Variants in EIF4G3 observed in about 807,000 individuals in gnomAD.
The protein encoded by EIF4G3 is eIF-4-gamma 3.
EIF4G3 carries 34 observed loss-of-function variants against 186.4 expected under a neutral mutation model. The observed-to-expected ratio is 0.18, with a 90% confidence interval of 0.14 to 0.24. The LOEUF (loss-of-function observed/expected upper bound fraction) is 0.24, where lower values mean the gene tolerates loss of function less well. Among genes scored for constraint, EIF4G3 ranks in the 10% least tolerant of loss-of-function variants. The pLI, the probability that EIF4G3 is intolerant of heterozygous loss-of-function variation, is 1.00. For synonymous variants in EIF4G3, 673 were observed against 679.5 expected, an observed-to-expected ratio of 0.99 and a Z score of 0.15; for missense variants, 1,536 against 1,948.5, an observed-to-expected ratio of 0.79 and a Z score of 3.99.
At chr1:20,993,722 G>A (rs1190041150) in intron 7 of EIF4G3, among the ~76,000 whole-genome samples, 1 of 152,090 alleles carries the variant, frequency 6.6e-6, no homozygotes, top group Non-Finnish European at 1.5e-5. Flanking sequence ...TCTATTCACT[G>A]GCCAAAGCAA....
chr1:21,172,690 A>G (rs2098006407), intron 2 of EIF4G3, among the ~76,000 whole-genome samples: 1 of 151,978 alleles, frequency 6.6e-6, no homozygotes, highest in Admixed American at 6.5e-5. Context: ...CTGGGACTAC[A>G]GGCGCCTGCC....
chr1:21,077,047 AATTG>A (rs1333118086), intron 3 of EIF4G3, among the ~76,000 whole-genome samples: 1 of 152,232 alleles, frequency 6.6e-6, no homozygotes, highest in Non-Finnish European at 1.5e-5. Flanking sequence ...TACATTTGAC[AATTG>A]ATTAACAGCC....
chr1:21,176,677 G>T (rs927619929), intron 1 of EIF4G3, 45 bp downstream of exon 1: 14 of 582,910 alleles, frequency 2.4e-5, no homozygotes, highest in Admixed American at 1.8e-4. Flanking sequence ...GCGACCCCAG[G>T]GGGGGGGCCG....
chr1:20,885,800 A>G (rs1385394044), intron 19 of EIF4G3, among the ~76,000 whole-genome samples: 2 of 152,268 alleles, frequency 1.3e-5, no homozygotes, highest in East Asian at 1.9e-4. Context: ...TCAAAACAAG[A>G]TGAGTTTCTA....
At chr1:20,939,455 A>G (rs958445021) in intron 14 of EIF4G3, among the ~76,000 whole-genome samples, 9 of 152,218 alleles carry the variant, frequency 5.9e-5, no homozygotes, top group South Asian at 2.1e-4. Flanking sequence ...TGGTATGAAC[A>G]TTATTTAAAC....
At chr1:20,879,262 G>T in intron 20 of EIF4G3, 61 bp downstream of exon 20, 1 of 1,321,912 alleles carries the variant, frequency 7.6e-7, no homozygotes, top group Non-Finnish European at 1.0e-6. Flanking sequence ...GGAAGAATGT[G>T]TAGTGAGGGG....
At chr1:20,975,379 C>CA (rs903583549) in intron 10 of EIF4G3, among the ~76,000 whole-genome samples, 3 of 136,364 alleles carry the variant, frequency 2.2e-5, no homozygotes, top group Admixed American at 7.3e-5. Flanking sequence ...TTAAAAAAAA[C>CA]AAAAAACAAA....
chr1:21,125,905 A>G (rs2097031205), intron 2 of EIF4G3, among the ~76,000 whole-genome samples: 1 of 151,622 alleles, frequency 6.6e-6, no homozygotes, highest in Non-Finnish European at 1.5e-5. Flanking sequence ...CTATTTCAGG[A>G]TGAAAAAACA....
At chr1:20,959,408 T>C (rs2096518968) in intron 12 of EIF4G3, among the ~76,000 whole-genome samples, 1 of 152,040 alleles carries the variant, frequency 6.6e-6, no homozygotes, top group Non-Finnish European at 1.5e-5. Flanking sequence ...AAGACTTAAA[T>C]ATAAGACCTG....
chr1:21,156,305 T>C (rs1000528645), intron 2 of EIF4G3, among the ~76,000 whole-genome samples: 4 of 152,178 alleles, frequency 2.6e-5, no homozygotes, highest in Non-Finnish European at 4.4e-5. Context: ...TTCTTTCTCT[T>C]TTCTGTAAGC....
chr1:20,808,664 G>C (rs940210119), intron 36 of EIF4G3, among the ~76,000 whole-genome samples: 1 of 152,142 alleles, frequency 6.6e-6, no homozygotes, highest in African/African-American at 2.4e-5. Flanking sequence ...CTGGGTGACA[G>C]AGCGAGAGTC....
intron 2 of EIF4G3, chr1:21,167,976 C>A: frequency 2.2e-6 from 1 of 455,918 alleles, no homozygotes; most frequent in Non-Finnish European, 4.5e-6. Context: ...AAGGTTTGAA[C>A]ATTCCCCTTT....
At chr1:21,123,331 G>A (rs2096960492) in intron 2 of EIF4G3, among the ~76,000 whole-genome samples, 1 of 152,096 alleles carries the variant, frequency 6.6e-6, no homozygotes, top group African/African-American at 2.4e-5. Flanking sequence ...GGGAGGCCGA[G>A]ATGAGCAGAT....
chr1:20,887,440 G>T (rs2084563678), intron 18 of EIF4G3, among the ~76,000 whole-genome samples: 1 of 152,080 alleles, frequency 6.6e-6, no homozygotes, highest in Admixed American at 6.5e-5. Flanking sequence ...ACAGTCTGGG[G>T]CCTAAGCTGA....
chr1:21,069,623 T>C (rs963277358), intron 3 of EIF4G3, among the ~76,000 whole-genome samples: 4 of 152,230 alleles, frequency 2.6e-5, no homozygotes, highest in African/African-American at 7.2e-5. Context: ...CCAGAGGATC[T>C]TTCAGTTATT....
At chr1:21,134,497 C>T (rs1435426402) in intron 2 of EIF4G3, among the ~76,000 whole-genome samples, 4 of 152,154 alleles carry the variant, frequency 2.6e-5, no homozygotes, top group African/African-American at 9.6e-5. Flanking sequence ...GGTGAAACCC[C>T]CATCTCTACT....
Position 20,941,884 on chromosome 1 carries a change from C to T in EIF4G3, c.1270G>A (p.Ala424Thr). 1 of 1,614,168 alleles carries T rather than the reference C, an allele frequency of 6.2e-7. No homozygotes were observed. The highest frequency in any genetic ancestry group is 8.5e-7 in the Non-Finnish European group (1 of 1,180,026). Residue 424 changes from alanine to threonine, a missense_variant, in exon 14 of 37, where the codon GCC (alanine) becomes ACC (threonine). By Grantham distance (58) the Ala-to-Thr change is moderately conservative (BLOSUM62 0). This residue lies in a region of EIF4G3 where 560 missense variants were observed against 547.8 expected (regional missense o/e 1.02). Coordinates refer to ENST00000602326, the MANE Select transcript of EIF4G3 (RefSeq NM_001391906.1). ...ACTATTTCCACAATGCTCTCCGTGGCTGATAATTTTTCGCTAACTCCATTT... is the reference window on the plus strand; with the variant it reads ...ACTATTTCCACAATGCTCTCCGTGGTTGATAATTTTTCGCTAACTCCATTT... The part of the protein sequence containing the change: ...EINGVSEKLS[A>T]TESIVEIVKQ...
chr1:20,893,055 A>C, intron 18 of EIF4G3: 1 of 248,182 alleles, frequency 4.0e-6, no homozygotes, highest in East Asian at 8.8e-5. Flanking sequence ...CTAGGACTAT[A>C]AGCATGCGCC....
At chr1:20,949,041 C>T (rs1573367772) in intron 13 of EIF4G3, among the ~76,000 whole-genome samples, 1 of 132,616 alleles carries the variant, frequency 7.5e-6, no homozygotes, top group Admixed American at 7.4e-5. Context: ...ATAGAATAAA[C>T]AAATAGTTTG....
Sources: gnomAD v4.1 joint callset for allele counts (sites outside exome capture counted in the v4.1 genomes callset) on GRCh38, gnomAD v4.1.1 for gene constraint, gnomAD v4.1.1 regional missense constraint, MANE v1.5 for transcripts, NCBI Gene and HGNC (gene_info 2026-07-23, HGNC 2026-07-21) for gene names.